The following CASP9 variants were observed in gnomAD, a reference collection of about 807,000 sequenced individuals.
CASP9 encodes caspase 9.
A neutral mutation model predicts 43.5 loss-of-function variants in CASP9; 29 were observed. That is an observed-to-expected ratio of 0.67 (90% CI 0.50 to 0.91). CASP9 has a LOEUF of 0.91. Ranked by LOEUF, CASP9 falls within the 40% of genes least tolerant of loss-of-function variation. CASP9 has a pLI of 0.00. For missense variants in CASP9, 575 were observed against 537.4 expected, an observed-to-expected ratio of 1.07 and a Z score of -0.69; for synonymous variants, 206 against 211.9, an observed-to-expected ratio of 0.97 and a Z score of 0.24.
In CASP9 at chr1:15,491,500, G is replaced by C; in HGVS notation, c.*1443C>G. On this transcript the variant is annotated 3_prime_UTR_variant, in exon 9 of 9. Transcript: ENST00000333868. Reference sequence around the variant, plus strand: ...AGGTCAGGCGCAATGGCTCAAGCCTGTAACCCCTGCACTTTGGGAGGCTAA... The same window carrying C: ...AGGTCAGGCGCAATGGCTCAAGCCTCTAACCCCTGCACTTTGGGAGGCTAA... 1.4e-6 allele frequency: 1 copy of C among 724,932 alleles called. No homozygotes were observed. 44.9% of individuals were successfully genotyped at this position (724,932 alleles called of 1,614,324 possible). A position where few individuals can be genotyped will look rare whatever the true frequency, so the allele number is the denominator to read the frequency against.
chr1:15,507,131 A>G, intron 3 of CASP9, 56 bp from the exon 4 acceptor site: 2 of 1,604,830 alleles, frequency 1.2e-6, no homozygotes, highest in Admixed American at 1.7e-5. Flanking sequence ...CCTAGAGGAC[A>G]GTCTGGAGAG....
chr1:15,521,428 C>T (rs570193708), intron 1 of CASP9, among the ~76,000 whole-genome samples: 3 of 152,294 alleles, frequency 2.0e-5, no homozygotes, highest in East Asian at 3.9e-4. Context: ...TCCATGGTCA[C>T]GCTCCTTGCC....
intron 2 of CASP9, among the ~76,000 whole-genome samples, chr1:15,514,730 C>A (rs936014967): frequency 1.3e-5 from 2 of 152,214 alleles, no homozygotes; most frequent in African/African-American, 2.4e-5. Flanking sequence ...CTTGGGCCAG[C>A]CGTGCTGGCT....
Position 15,495,402 on chromosome 1 carries a change from A to C in CASP9, c.919T>G (p.Ser307Ala), listed in dbSNP as rs750849037. Reference protein sequence around the residue: ...EVASTSPEDESPGSNPEPDAT... With the variant: ...EVASTSPEDEAPGSNPEPDAT... Reference sequence around the variant, plus strand: ...TCTGGCTCGGGGTTACTGCCAGGGGACTCGTCTTCAGGGGAAGTGGAGGCC... The same window carrying C: ...TCTGGCTCGGGGTTACTGCCAGGGGCCTCGTCTTCAGGGGAAGTGGAGGCC... The change falls in exon 7 of 9, where the codon TCC (serine) becomes GCC (alanine). Residue 307 changes from serine (S) to alanine (A), a missense_variant. Transcript: ENST00000333868. 6.2e-7 allele frequency: 1 copy of C among 1,606,446 alleles called. No homozygotes were observed. Among genetic ancestry groups the C allele is most frequent in the East Asian group, 2.2e-5 (1 of 44,682 alleles).
Position 15,492,986 on chromosome 1 carries a change from C to A in CASP9, c.1208G>T (p.Cys403Phe). ...VKGIYKQMPG[C>F]FNFLRKKLFF... ...AAGTTTTTTCCGGAGGAAATTAAAG[C>A]AACCAGGCATCTGTTTATAAATCCC... is the stretch of plus-strand genomic sequence containing the variant. The change falls in exon 9 of 9, where the codon TGC becomes TTC. Residue 403 changes from cysteine to phenylalanine, a missense_variant. Coordinates refer to ENST00000333868, the MANE Select transcript of CASP9 (RefSeq NM_001229.5). 1 of 1,614,054 alleles carries A rather than the reference C, an allele frequency of 6.2e-7. No homozygotes were observed. Among genetic ancestry groups the A allele is most frequent in the African/African-American group, 1.3e-5 (1 of 75,012 alleles).
At position 15,524,210 on chromosome 1, in the gene CASP9, C is replaced by A. The variant is rs747032944; in HGVS notation, c.-10G>T. 7 of 1,540,602 alleles carry A rather than the reference C, an allele frequency of 4.5e-6. No individual in the cohort carries two copies. The highest frequency in any genetic ancestry group is 1.9e-5 in the Admixed American group (1 of 51,300). On this transcript the variant is annotated 5_prime_UTR_variant, in exon 1 of 9. Transcript: ENST00000333868. Reference sequence around the variant, plus strand: ...GATCCGCTTCGTCCATGGCGAGTAGCCAACTAAGACTCCAGGCCGCCTCAG... The same window carrying A: ...GATCCGCTTCGTCCATGGCGAGTAGACAACTAAGACTCCAGGCCGCCTCAG...
chr1:15,504,893 G>GGCTGA, intron 5 of CASP9, 135 bp from the exon 6 acceptor site: 1 of 820,078 alleles, frequency 1.2e-6, no homozygotes, highest in Non-Finnish European at 1.9e-6. Flanking sequence ...GACAGAGCAG[G>GGCTGA]TTGGTTCTGG....
chr1:15,496,943 C>G, intron 6 of CASP9, among the ~76,000 whole-genome samples: 1 of 151,910 alleles, frequency 6.6e-6, no homozygotes, highest in East Asian at 1.9e-4. Flanking sequence ...TGAGTCCAAG[C>G]AGTTGAGGCT....
intron 7 of CASP9, among the ~76,000 whole-genome samples, chr1:15,494,621 T>C (rs1241696391): frequency 6.7e-6 from 1 of 150,238 alleles, no homozygotes; most frequent in Admixed American, 6.6e-5. Context: ...CCCAGCACTT[T>C]GGGAAGCCGA....
At chr1:15,502,484 A>T (rs1262377036) in intron 6 of CASP9, among the ~76,000 whole-genome samples, 2 of 152,136 alleles carry the variant, frequency 1.3e-5, no homozygotes, top group Non-Finnish European at 2.9e-5. Context: ...AATGAATTTT[A>T]AAAAAAGAGT....
intron 2 of CASP9, among the ~76,000 whole-genome samples, chr1:15,512,023 C>A (rs548588295): frequency 2.0e-5 from 3 of 152,308 alleles, no homozygotes; most frequent in East Asian, 3.9e-4. Flanking sequence ...CAGAGCAGGC[C>A]CTTCAGCACA....
In CASP9 at chr1:15,504,707, C is replaced by G; in HGVS notation, c.772G>C (p.Val258Leu). ...GAVYGTDGCP[V>L]SVEKIVNIFN... is the part of the protein sequence containing the mutation. ...ATGTTCACAATCTTCTCGACCGACA[C>G]AGGGCATCCATCTGTGCCGTAGACA... Residue 258 changes from valine to leucine, a missense_variant, in exon 6 of 9, where the codon GTG becomes CTG. Physicochemically the swap from Val to Leu is conservative, Grantham distance 32. Transcript: ENST00000333868. The G allele has an allele frequency of 6.2e-7, 1 of 1,614,206 alleles. No homozygotes were observed. The highest frequency in any genetic ancestry group is 1.1e-5 in the South Asian group (1 of 91,082).
At chr1:15,493,415 A>G in intron 8 of CASP9, 17 of 1,227,874 alleles carry the variant, frequency 1.4e-5, no homozygotes, top group South Asian at 4.8e-5. Flanking sequence ...TCGGGTTTCT[A>G]TGGAGTAGGA....
At chr1:15,514,108 G>A (rs1709866844) in intron 2 of CASP9, among the ~76,000 whole-genome samples, 1 of 152,082 alleles carries the variant, frequency 6.6e-6, no homozygotes, top group Admixed American at 6.5e-5. Flanking sequence ...AACCCTTTGG[G>A]CCAGATTCTT....
chr1:15,511,579 T>G (rs1230879052), intron 2 of CASP9, among the ~76,000 whole-genome samples: 1 of 152,120 alleles, frequency 6.6e-6, no homozygotes, highest in African/African-American at 2.4e-5. Context: ...AATTTTTGCA[T>G]TTTTAGTAGA....
chr1:15,515,457 C>T (rs1323272251), intron 2 of CASP9, among the ~76,000 whole-genome samples: 2 of 152,196 alleles, frequency 1.3e-5, no homozygotes, highest in Non-Finnish European at 2.9e-5. Flanking sequence ...ACCCATGAAA[C>T]AGGAAGTGCT....
At position 15,493,171 on chromosome 1, in the gene CASP9, G is replaced by A. The variant is rs541817339; in HGVS notation, c.1159-136C>T. 2.9e-5 allele frequency: 43 copies of A among 1,482,398 alleles called. No individual in the cohort carries two copies. The East Asian group carries it at 7.4e-4, about 26-fold the overall frequency. The allele number at this position is 1,482,398 out of a possible 1,614,324, so 91.8% of individuals were successfully genotyped here. On this transcript the variant is annotated intron_variant, in intron 8 of 8. Transcript: ENST00000333868. ...CAAACTGCAGCCTCTTTGAGCAGGA[G>A]GGCTTAAAGAATACGCACCTCAACT...
rs201125053 is a variant in CASP9 at position 15,513,878 on chromosome 1, C to T, written c.418+4232G>A. Among the ~76,000 whole-genome samples the T allele has an allele frequency of 8.7e-4, 133 of 152,226 alleles. 2 individuals carry two copies. In the East Asian group the frequency reaches 0.023, roughly 26 times the overall value. ...GGGCAAGGAGCTCAGAGTCTCTGGG[C>T]TTCTGATTTCCCCATCTGTATTACA... On this transcript the variant is annotated intron_variant, in intron 2 of 8. Coordinates refer to ENST00000333868, the MANE Select transcript of CASP9 (RefSeq NM_001229.5).
chr1:15,517,080 T>A (rs887531331), intron 2 of CASP9, among the ~76,000 whole-genome samples: 10 of 152,190 alleles, frequency 6.6e-5, no homozygotes, highest in Non-Finnish European at 4.4e-5. Context: ...GATTATTAAC[T>A]TTGATACCAT....
Sources: gnomAD v4.1 joint callset for allele counts (sites outside exome capture counted in the v4.1 genomes callset) on GRCh38, gnomAD v4.1.1 for gene constraint, MANE v1.5 for transcripts, NCBI Gene and HGNC (gene_info 2026-07-23, HGNC 2026-07-21) for gene names.